The following ARHGEF37 variants were observed in gnomAD, a reference collection of about 807,000 sequenced individuals.
ARHGEF37 encodes the protein Rho guanine nucleotide exchange factor 37.
ARHGEF37 carries 55 observed loss-of-function variants against 71.1 expected under a neutral mutation model. That is an observed-to-expected ratio of 0.77 (90% CI 0.62 to 0.97). The LOEUF (loss-of-function observed/expected upper bound fraction) is 0.97. Ranked by LOEUF, ARHGEF37 falls within the 50% of genes least tolerant of loss-of-function variation. The probability of loss-of-function intolerance (pLI) is 0.00; values close to 1 mark genes in which losing one functional copy is unlikely to be tolerated. For missense variants in ARHGEF37, 765 were observed against 836.8 expected (o/e 0.91, Z 1.06); for synonymous variants, 327 against 350.6 (o/e 0.93, Z 0.75).
intron 6 of ARHGEF37, 92 bp downstream of exon 6, chr5:149,618,398 A>T: frequency 6.4e-7 from 1 of 1,552,960 alleles, no homozygotes; most frequent in Non-Finnish European, 8.7e-7. Flanking sequence ...GGCTCCTTTC[A>T]GAACTGAGGC....
chr5:149,596,067 C>A (rs908253998), intron 1 of ARHGEF37, among the ~76,000 whole-genome samples: 8 of 151,862 alleles, frequency 5.3e-5, no homozygotes, highest in African/African-American at 1.9e-4. Flanking sequence ...GTCTCTGGTT[C>A]ACTGAGTTTC....
Position 149,632,157 on chromosome 5 carries a change from G to T in ARHGEF37, c.1994G>T (p.Ser665Ile). 6.2e-7 allele frequency: 1 copy of T among 1,614,242 alleles called. No individual in the cohort carries two copies. The highest frequency in any genetic ancestry group is 8.5e-7 in the Non-Finnish European group (1 of 1,180,044). The stretch of plus-strand genomic sequence containing the variant: ...TCTGGCTTCTTGGCCAGGGCTCGGA[G>T]CCCAGTTCTGTGGGGCTGGAGTCTG... ...VPSGFLARAR[S>I]PVLWGWSLPS Residue 665 changes from serine (S) to isoleucine (I), a missense_variant, in exon 13 of 13, where the codon AGC becomes ATC. Ser to Ile is a moderately radical substitution (Grantham distance 142). Coordinates refer to ENST00000333677, the MANE Select transcript of ARHGEF37 (RefSeq NM_001001669.3).
At chr5:149,611,065 T>C (rs1281071205) in intron 4 of ARHGEF37, among the ~76,000 whole-genome samples, 4 of 152,210 alleles carry the variant, frequency 2.6e-5, no homozygotes, top group Admixed American at 2.6e-4. Context: ...TCACCTGTGG[T>C]CCTATGGTCT....
chr5:149,630,706 G>A (rs533199863), intron 12 of ARHGEF37, among the ~76,000 whole-genome samples: 1 of 152,276 alleles, frequency 6.6e-6, no homozygotes, highest in Admixed American at 6.5e-5. Context: ...CAGTCAATGG[G>A]GGTGGTGTCT....
chr5:149,591,548 T>C (rs1168466532), intron 1 of ARHGEF37, among the ~76,000 whole-genome samples: 2 of 152,194 alleles, frequency 1.3e-5, no homozygotes, highest in East Asian at 3.8e-4. Flanking sequence ...TTTGCCTGGC[T>C]TCTCCCAGGC....
intron 6 of ARHGEF37, among the ~76,000 whole-genome samples, chr5:149,618,679 A>G (rs996351387): frequency 2.0e-5 from 3 of 152,310 alleles, no homozygotes; most frequent in African/African-American, 7.2e-5. Flanking sequence ...AGAAAACAGA[A>G]ACTCCGAGAG....
chr5:149,571,222 A>G (rs1181988109), intron 1 of ARHGEF37, among the ~76,000 whole-genome samples: 1 of 152,032 alleles, frequency 6.6e-6, no homozygotes, highest in East Asian at 1.9e-4. Context: ...GATTACAGGC[A>G]TGAGCCACCG....
intron 1 of ARHGEF37, among the ~76,000 whole-genome samples, chr5:149,575,352 C>T (rs557597917): frequency 6.6e-6 from 1 of 152,360 alleles, no homozygotes; most frequent in East Asian, 1.9e-4. Context: ...TTGTAGCAGA[C>T]ACCGTTGGCT....
chr5:149,558,733 GTGTGTATA>G (rs1204068033), intron 1 of ARHGEF37, among the ~76,000 whole-genome samples: 32 of 49,050 alleles, frequency 6.5e-4, no homozygotes, highest in African/African-American at 3.2e-3. Flanking sequence ...GTGTGTGTGT[GTGTGTATA>G]TATATTTTTA....
chr5:149,585,011 A>G (rs1238731503), intron 1 of ARHGEF37, among the ~76,000 whole-genome samples: 1 of 152,216 alleles, frequency 6.6e-6, no homozygotes, highest in Non-Finnish European at 1.5e-5. Flanking sequence ...ATGTTGTCCA[A>G]AGAATATATA....
intron 11 of ARHGEF37, 30 bp from the exon 12 acceptor site, chr5:149,628,779 C>A: frequency 6.3e-7 from 1 of 1,592,822 alleles, no homozygotes; most frequent in Non-Finnish European, 8.6e-7. Flanking sequence ...AGGTGGCCCG[C>A]AGCCTGCTAA....
intron 1 of ARHGEF37, among the ~76,000 whole-genome samples, chr5:149,594,333 A>G (rs1763487330): frequency 6.6e-6 from 1 of 152,254 alleles, no homozygotes; most frequent in Non-Finnish European, 1.5e-5. Context: ...GGATCTTTCT[A>G]GAGAAGCTGT....
At chr5:149,589,169 G>A (rs1763323639) in intron 1 of ARHGEF37, among the ~76,000 whole-genome samples, 1 of 151,644 alleles carries the variant, frequency 6.6e-6, no homozygotes, top group Admixed American at 6.6e-5. Flanking sequence ...TCCAGCCCTG[G>A]GTGACAGAGT....
chr5:149,608,041 T>C (rs1409419646), intron 3 of ARHGEF37, among the ~76,000 whole-genome samples: 1 of 152,030 alleles, frequency 6.6e-6, no homozygotes, highest in Non-Finnish European at 1.5e-5. Context: ...GTGCTGGGAT[T>C]ACAGGCATGA....
rs189928873 is a variant in ARHGEF37 at position 149,634,341 on chromosome 5, T to A, written c.*2150T>A. 6.6e-6 allele frequency: 1 copy of A among 152,214 alleles called. No individual in the cohort carries two copies. Among genetic ancestry groups the A allele is most frequent in the Non-Finnish European group, 1.5e-5 (1 of 68,038 alleles). 9.4% of individuals were successfully genotyped at this position (152,214 alleles called of 1,614,324 possible). On this transcript the variant is annotated 3_prime_UTR_variant, in exon 13 of 13. Coordinates refer to ENST00000333677, the MANE Select transcript of ARHGEF37 (RefSeq NM_001001669.3). ...TGCACTAGCTAGTTCAAACAGGCGC[T>A]TTAAAGGCAGTGTGAAAGGGGACAG... is the stretch of plus-strand genomic sequence containing the variant.
rs80098749 is a variant in ARHGEF37, at chr5:149,576,329, T to C, written c.-11-21430T>C. ...GGAAGAAATGCAGGCTTTGAAGTCA[T>C]ACTTCTGAGGTTTCAGTCCCAGTTC... On this transcript the variant is annotated intron_variant, in intron 1 of 2. Coordinates refer to the ARHGEF37 transcript ENST00000505810. Among the ~76,000 whole-genome samples the C allele has an allele frequency of 0.015, 2,348 of 152,316 alleles. 234 individuals carry two copies. In the East Asian group the frequency reaches 0.3, roughly 19 times the overall value.
upstream of ARHGEF37, among the ~76,000 whole-genome samples, chr5:149,577,952 G>T (rs778928946): frequency 7.9e-5 from 12 of 152,252 alleles, no homozygotes; most frequent in Non-Finnish European, 1.6e-4. Context: ...CAGTGGTGGT[G>T]ACATTCAGTA....
intron 3 of ARHGEF37, among the ~76,000 whole-genome samples, chr5:149,607,073 G>A (rs1456245944): frequency 1.3e-5 from 2 of 152,050 alleles, no homozygotes; most frequent in Non-Finnish European, 2.9e-5. Flanking sequence ...GCTAATTTTT[G>A]TATTTTTTTA....
At chr5:149,612,357 T>C (rs971806050) in intron 4 of ARHGEF37, among the ~76,000 whole-genome samples, 25 of 151,990 alleles carry the variant, frequency 1.6e-4, no homozygotes, top group African/African-American at 2.7e-4. Context: ...TTAGTAGAGA[T>C]GGGGTTTCAC....
Sources: gnomAD v4.1 joint callset for allele counts (sites outside exome capture counted in the v4.1 genomes callset) on GRCh38, gnomAD v4.1.1 for gene constraint, MANE v1.5 for transcripts, NCBI Gene and HGNC (gene_info 2026-07-23, HGNC 2026-07-21) for gene names.